The following CD2AP variants were observed in gnomAD, a reference collection of about 807,000 sequenced individuals.
CD2AP encodes the protein CD2-associated protein.
Under a neutral mutation model 85.1 loss-of-function variants are expected in CD2AP, and 46 were observed. The observed-to-expected ratio is 0.54, with a 90% CI of 0.43 to 0.69. CD2AP has a LOEUF of 0.69. CD2AP is among the 30% of genes least tolerant of loss of function. The probability of loss-of-function intolerance (pLI) is 0.00; values close to 1 mark genes in which losing one functional copy is unlikely to be tolerated. For missense variants in CD2AP, 769 were observed against 729.5 expected, an observed-to-expected ratio of 1.05 and a Z score of -0.62; for synonymous variants, 255 against 252.9, an observed-to-expected ratio of 1.01 and a Z score of -0.08.
intron 1 of CD2AP, among the ~76,000 whole-genome samples, chr6:47,486,437 A>G (rs980983554): frequency 1.3e-5 from 2 of 151,982 alleles, no homozygotes; most frequent in Non-Finnish European, 2.9e-5. Context: ...CGAGAGAGAG[A>G]GTATAGGGTC....
At chr6:47,538,788 T>A (rs1214484311) in intron 3 of CD2AP, among the ~76,000 whole-genome samples, 1 of 152,206 alleles carries the variant, frequency 6.6e-6, no homozygotes, top group Non-Finnish European at 1.5e-5. Context: ...AAGAGCTTTG[T>A]TTGATCTGAA....
At chr6:47,579,760 A>G in intron 9 of CD2AP, 1 of 344,044 alleles carries the variant, frequency 2.9e-6, no homozygotes, top group Non-Finnish European at 5.3e-6. Flanking sequence ...TATCCTAATA[A>G]CATAAATTAG....
rs10948361 is a variant in CD2AP at position 47,489,973 on chromosome 6, T to G, written c.4+11725T>G. Among the ~76,000 whole-genome samples the G allele has an allele frequency of 5.2e-4, 19 of 36,576 alleles. 1 individual carries two copies. The highest frequency in any genetic ancestry group is 8.5e-4 in the Non-Finnish European group (8 of 9,454). 24.0% of individuals were successfully genotyped at this position (36,576 alleles called of 152,430 possible). ...ACTATTTTCTCTAAAGAGACTTTTT[T>G]TTTTTTTTTTTTTTTTTAAAGGAAC... is the stretch of plus-strand genomic sequence containing the variant. On this transcript the variant is annotated intron_variant, in intron 1 of 17. Transcript: ENST00000359314.
At chr6:47,584,931 A>T (rs1026576435) in intron 11 of CD2AP, among the ~76,000 whole-genome samples, 1 of 152,066 alleles carries the variant, frequency 6.6e-6, no homozygotes, top group Non-Finnish European at 1.5e-5. Context: ...GTCACCAGTT[A>T]GTCAGCAGTT....
chr6:47,604,945 A>G (rs1428284257), intron 13 of CD2AP, among the ~76,000 whole-genome samples: 4 of 152,040 alleles, frequency 2.6e-5, no homozygotes, highest in African/African-American at 9.7e-5. Flanking sequence ...TAAAATGCAT[A>G]TTACCGAACA....
intron 1 of CD2AP, among the ~76,000 whole-genome samples, chr6:47,495,019 C>T (rs1765823615): frequency 1.3e-5 from 2 of 151,962 alleles, no homozygotes; most frequent in Non-Finnish European, 1.5e-5. Flanking sequence ...AAAAATTAGC[C>T]ATGCATGGTG....
At chr6:47,528,720 A>T (rs1020292122) in intron 2 of CD2AP, among the ~76,000 whole-genome samples, 3 of 152,134 alleles carry the variant, frequency 2.0e-5, no homozygotes, top group African/African-American at 7.2e-5. Flanking sequence ...AAAGGGTCAC[A>T]AGTTTAGAGG....
chr6:47,536,652 TA>T (rs1427128613), intron 3 of CD2AP, among the ~76,000 whole-genome samples: 8 of 152,190 alleles, frequency 5.3e-5, no homozygotes, highest in Admixed American at 5.2e-4. Flanking sequence ...GCTCATTTGG[TA>T]AAACAAAGAA....
chr6:47,547,216 G>A (rs1767386908), intron 4 of CD2AP, among the ~76,000 whole-genome samples: 1 of 152,186 alleles, frequency 6.6e-6, no homozygotes, highest in Admixed American at 6.5e-5. Context: ...AATGTTGAGT[G>A]TAAATGGCCT....
chr6:47,481,918 T>A (rs942311057), intron 1 of CD2AP, among the ~76,000 whole-genome samples: 2 of 152,098 alleles, frequency 1.3e-5, no homozygotes, highest in Admixed American at 1.3e-4. Context: ...CACTACCACC[T>A]CTGGCCTAGT....
intron 17 of CD2AP, among the ~76,000 whole-genome samples, chr6:47,620,782 A>G (rs1207271967): frequency 6.6e-6 from 1 of 152,042 alleles, no homozygotes; most frequent in Non-Finnish European, 1.5e-5. Context: ...GTGTATTCCT[A>G]AGTATTTTAT....
Position 47,566,527 on chromosome 6 carries a change from A to T in CD2AP, c.542-7537A>T, listed in dbSNP as rs1224939882. Among the ~76,000 whole-genome samples, 4 of 151,992 alleles carry T rather than the reference A, an allele frequency of 2.6e-5. No individual in the cohort carries two copies. The East Asian group carries it at 5.8e-4, about 22-fold the overall frequency. Reference sequence around the variant, plus strand: ...TTTTGCTTTAAGTTCTGGGATACATATGCAGAACATGCAGGTTTGTTACAT... The same window carrying T: ...TTTTGCTTTAAGTTCTGGGATACATTTGCAGAACATGCAGGTTTGTTACAT... On this transcript the variant is annotated intron_variant, in intron 5 of 17. Transcript: ENST00000359314.
intron 2 of CD2AP, among the ~76,000 whole-genome samples, chr6:47,522,347 C>G (rs1766619948): frequency 6.6e-6 from 1 of 152,158 alleles, no homozygotes; most frequent in East Asian, 1.9e-4. Context: ...GGGATTCAAT[C>G]TGTGAACAGT....
At chr6:47,494,792 T>C (rs1765816607) in intron 1 of CD2AP, among the ~76,000 whole-genome samples, 1 of 152,218 alleles carries the variant, frequency 6.6e-6, no homozygotes, top group African/African-American at 2.4e-5. Flanking sequence ...GTGTTTGTAC[T>C]GGATTGAATT....
At chr6:47,496,122 G>A (rs1298660820) in intron 1 of CD2AP, among the ~76,000 whole-genome samples, 1 of 151,358 alleles carries the variant, frequency 6.6e-6, no homozygotes, top group Non-Finnish European at 1.5e-5. Context: ...TTCCTTTGCT[G>A]TTCTCAGAGA....
At chr6:47,498,890 A>C (rs1765933131) in intron 1 of CD2AP, among the ~76,000 whole-genome samples, 1 of 152,212 alleles carries the variant, frequency 6.6e-6, no homozygotes, top group South Asian at 2.1e-4. Flanking sequence ...TATTTTTAAC[A>C]AACCAGGACC....
intron 11 of CD2AP, among the ~76,000 whole-genome samples, chr6:47,589,565 C>CACACACATATATATATAT (rs139814970): frequency 2.3e-3 from 279 of 120,988 alleles, no homozygotes; most frequent in East Asian, 5.6e-3. Context: ...CACACACACA[C>CACACACATATATATATAT]ATATATATAT....
At chr6:47,543,148 C>CAAAAAAAAAAAAAAAAAAAAAAAAAAAA (rs11338409) in intron 3 of CD2AP, among the ~76,000 whole-genome samples, 8 of 60,316 alleles carry the variant, frequency 1.3e-4, no homozygotes, top group African/African-American at 2.8e-4. Context: ...AAGACTGTCT[C>CAAAAAAAAAAAAAAAAAAAAAAAAAAAA]AAAAAAAAAA....
chr6:47,536,418 T>C (rs1416785914), intron 3 of CD2AP, among the ~76,000 whole-genome samples: 1 of 152,176 alleles, frequency 6.6e-6, no homozygotes, highest in Non-Finnish European at 1.5e-5. Context: ...GTGTATATGT[T>C]CAGTTTAAAT....
Sources: allele counts gnomAD v4.1 joint callset (sites outside exome capture counted in the v4.1 genomes callset), GRCh38; gene constraint gnomAD v4.1.1; transcripts MANE v1.5; gene names NCBI Gene and HGNC (gene_info 2026-07-23, HGNC 2026-07-21).